The following CUBN variants were observed in gnomAD, a reference collection of about 807,000 sequenced individuals.
CUBN encodes cubilin.
CUBN carries 282 observed loss-of-function variants against 405.3 expected under a neutral mutation model. That is an observed-to-expected ratio of 0.70 (90% CI 0.63 to 0.77). The LOEUF is 0.77. Ranked by LOEUF, CUBN falls within the 30% of genes least tolerant of loss-of-function variation. The pLI is 0.00. For synonymous variants in CUBN, 1,684 were observed against 1,617.0 expected (o/e 1.04, Z -0.99); for missense variants, 4,514 against 4,475.2 (o/e 1.01, Z -0.25).
chr10:17,041,550 G>T (rs1399331392), intron 26 of CUBN, among the ~76,000 whole-genome samples: 1 of 151,906 alleles, frequency 6.6e-6, no homozygotes, highest in Non-Finnish European at 1.5e-5. Flanking sequence ...AGAATAACTT[G>T]GTTATATTCA....
intron 28 of CUBN, among the ~76,000 whole-genome samples, chr10:16,999,551 A>G (rs575078418): frequency 6.6e-6 from 1 of 152,336 alleles, no homozygotes; most frequent in Admixed American, 6.5e-5. Flanking sequence ...GAAATGATTG[A>G]AGACTTCTAA....
At chr10:16,908,747 T>C (rs1228480667) in intron 48 of CUBN, among the ~76,000 whole-genome samples, 2 of 152,236 alleles carry the variant, frequency 1.3e-5, no homozygotes, top group Non-Finnish European at 2.9e-5. Flanking sequence ...AATTCATTGA[T>C]TGAATGGTTG....
intron 17 of CUBN, among the ~76,000 whole-genome samples, chr10:17,074,520 C>G (rs888504545): frequency 2.6e-5 from 4 of 152,108 alleles, no homozygotes; most frequent in Admixed American, 2.6e-4. Flanking sequence ...ACATATTAAG[C>G]GCAAAGTAGT....
intron 17 of CUBN, among the ~76,000 whole-genome samples, chr10:17,078,919 G>A (rs1451782763): frequency 3.3e-5 from 5 of 152,028 alleles, no homozygotes; most frequent in African/African-American, 7.3e-5. Flanking sequence ...TCTACATCAC[G>A]CATGTTCAAT....
chr10:16,983,512 G>A (rs529095286), intron 30 of CUBN, among the ~76,000 whole-genome samples: 1 of 152,238 alleles, frequency 6.6e-6, no homozygotes, highest in Non-Finnish European at 1.5e-5. Flanking sequence ...CAGGGTGGTT[G>A]TAAGGACTAG....
intron 1 of CUBN, 62 bp from the exon 2 acceptor site, chr10:17,129,312 A>C: frequency 1.9e-6 from 3 of 1,574,804 alleles, no homozygotes; most frequent in Non-Finnish European, 2.6e-6. Context: ...AAACCAAAAT[A>C]ACAAAGTTTC....
At chr10:16,944,254 T>C (rs931329363) in intron 36 of CUBN, among the ~76,000 whole-genome samples, 3 of 152,208 alleles carry the variant, frequency 2.0e-5, no homozygotes, top group African/African-American at 7.2e-5. Context: ...AGGAAAATGA[T>C]CTCCCTTTCT....
chr10:17,106,220 G>A (rs946990321), intron 10 of CUBN, among the ~76,000 whole-genome samples: 5 of 152,176 alleles, frequency 3.3e-5, no homozygotes, highest in African/African-American at 7.2e-5. Flanking sequence ...AGGAGGCAGA[G>A]GTTGTAGTGA....
At chr10:16,963,003 C>T (rs1406651360) in intron 31 of CUBN, among the ~76,000 whole-genome samples, 7 of 151,998 alleles carry the variant, frequency 4.6e-5, no homozygotes, top group Admixed American at 3.3e-4. Context: ...CAGTAACCAC[C>T]TCAGAGACCT....
chr10:16,827,083 A>G (rs1838806315), intron 66 of CUBN, among the ~76,000 whole-genome samples: 3 of 152,052 alleles, frequency 2.0e-5, no homozygotes, highest in Admixed American at 2.0e-4. Context: ...TGTGATTACC[A>G]TTTCTCACCA....
chr10:17,105,607 C>T (rs1184033388), intron 10 of CUBN, 32 bp from the exon 11 acceptor site: 1 of 1,197,378 alleles, frequency 8.4e-7, no homozygotes, highest in Admixed American at 1.7e-5. Context: ...CGTGTAAATA[C>T]AGGTCTCCTC....
At chr10:16,991,057 A>G (rs952981854) in intron 28 of CUBN, among the ~76,000 whole-genome samples, 2 of 69,324 alleles carry the variant, frequency 2.9e-5, no homozygotes, top group African/African-American at 6.5e-5. Context: ...AACTCAGCAA[A>G]TTTACATTAA....
Position 17,042,073 on chromosome 10 carries a change from T to C in CUBN, c.3830-853A>G, listed in dbSNP as rs571153977. On this transcript the variant is annotated intron_variant, in intron 26 of 66. Coordinates refer to ENST00000377833, the MANE Select transcript of CUBN (RefSeq NM_001081.4). ...TGTCTCTGAAAGTGTGATTCATAGA[T>C]GTATTCCTACTACGATATGCTTTCT... Among the ~76,000 whole-genome samples the C allele has an allele frequency of 5.9e-5, 9 of 152,328 alleles. No homozygotes were observed. In the South Asian group the frequency reaches 1.9e-3, roughly 32 times the overall value.
At chr10:17,128,156 T>G (rs1429501935) in intron 2 of CUBN, among the ~76,000 whole-genome samples, 1 of 152,236 alleles carries the variant, frequency 6.6e-6, no homozygotes, top group African/African-American at 2.4e-5. Context: ...TTTCCATTTG[T>G]ATGTTTTCCT....
intron 53 of CUBN, among the ~76,000 whole-genome samples, 181 bp downstream of exon 53, chr10:16,900,444 C>T (rs1841323388): frequency 6.6e-6 from 1 of 152,234 alleles, no homozygotes; most frequent in Admixed American, 6.5e-5. Context: ...AGTCTCTGCC[C>T]ATGCAAAATA....
intron 60 of CUBN, among the ~76,000 whole-genome samples, chr10:16,848,679 T>C (rs1839589515): frequency 7.6e-6 from 1 of 132,244 alleles, no homozygotes; most frequent in African/African-American, 2.7e-5. Context: ...GTCATTTTGG[T>C]CTCTCCCAGC....
intron 4 of CUBN, among the ~76,000 whole-genome samples, chr10:17,124,551 C>G (rs1434872231): frequency 6.6e-6 from 1 of 151,856 alleles, no homozygotes; most frequent in African/African-American, 2.4e-5. Flanking sequence ...GCCTCAGCCT[C>G]CTAAGTAGCT....
Position 16,937,747 on chromosome 10 carries a change from C to G in CUBN, c.5771G>C (p.Gly1924Ala). Reference protein sequence around the residue: ...DGPSIHARLIGAYCGTQTESF... With the variant: ...DGPSIHARLIAAYCGTQTESF... Reference sequence around the variant, plus strand: ...TTCAGTCTGGGTACCACAGTAAGCTCCAATTAGGCGGGCGTGAATGCTAGG... The same window carrying G: ...TTCAGTCTGGGTACCACAGTAAGCTGCAATTAGGCGGGCGTGAATGCTAGG... Residue 1924 changes from glycine to alanine, a missense_variant, in exon 39 of 67, where the codon GGA (glycine) becomes GCA (alanine). Transcript: ENST00000377833. The G allele has an allele frequency of 6.2e-7, 1 of 1,613,948 alleles. No individual in the cohort carries two copies. The highest frequency in any genetic ancestry group is 1.7e-5 in the Admixed American group (1 of 59,992).
chr10:16,856,041 T>C (rs971782842), intron 59 of CUBN, among the ~76,000 whole-genome samples: 1 of 152,216 alleles, frequency 6.6e-6, no homozygotes, highest in Non-Finnish European at 1.5e-5. Flanking sequence ...TTGCTCTTTC[T>C]GTGTTTCAAT....
Sources: gnomAD v4.1 joint callset for allele counts (sites outside exome capture counted in the v4.1 genomes callset) on GRCh38, gnomAD v4.1.1 for gene constraint, MANE v1.5 for transcripts, NCBI Gene and HGNC (gene_info 2026-07-23, HGNC 2026-07-21) for gene names.